The following RYR3 variants were observed in gnomAD, a reference collection of about 807,000 sequenced individuals.
The protein encoded by RYR3 is brain ryanodine receptor-calcium release channel.
A neutral mutation model predicts 584.3 loss-of-function variants in RYR3; 207 were observed. The observed-to-expected ratio is 0.35, with a 90% CI of 0.32 to 0.40. RYR3 has a LOEUF of 0.40. RYR3 is among the 10% of genes least tolerant of loss of function. The probability of loss-of-function intolerance (pLI) is 1.00; values close to 1 mark genes in which losing one functional copy is unlikely to be tolerated. For missense variants in RYR3, 5,616 were observed against 6,089.2 expected (o/e 0.92, Z 2.59); for synonymous variants, 2,416 against 2,248.5 (o/e 1.07, Z -2.11).
intron 20 of RYR3, among the ~76,000 whole-genome samples, chr15:33,624,726 G>A (rs10519847): frequency 0.82 from 124,618 of 152,158 alleles, 51,249 homozygotes; most frequent in Admixed American, 0.85. Flanking sequence ...ACACATTCAC[G>A]TGGTATTACA....
intron 38 of RYR3, among the ~76,000 whole-genome samples, chr15:33,676,866 GAATC>G (rs1051828736): frequency 1.3e-5 from 2 of 152,166 alleles, no homozygotes; most frequent in African/African-American, 4.8e-5. Flanking sequence ...GTGATCTGTT[GAATC>G]AATCATTGTC....
At chr15:33,336,206 C>G (rs1370385598) in intron 1 of RYR3, among the ~76,000 whole-genome samples, 1 of 151,116 alleles carries the variant, frequency 6.6e-6, no homozygotes, top group Non-Finnish European at 1.5e-5. Flanking sequence ...CTGAGGCAGG[C>G]AGATCACTTG....
In RYR3 at chr15:33,781,294, C is replaced by T. The variant is rs150429559; in HGVS notation, c.9268+953C>T. Among the ~76,000 whole-genome samples the T allele has an allele frequency of 2.0e-3, 310 of 152,224 alleles. 7 individuals are homozygous for T. The highest frequency in any genetic ancestry group is 0.014 in the Admixed American group (216 of 15,280). ...TGCGATGATTCCATCTATTCTGAAG[C>T]AAAAATTACCCAACTGTAGGCTAAT... On this transcript the variant is annotated intron_variant, in intron 65 of 103. Transcript: ENST00000634891.
chr15:33,672,828 A>G (rs2063929283), intron 38 of RYR3, among the ~76,000 whole-genome samples: 1 of 152,208 alleles, frequency 6.6e-6, no homozygotes, highest in African/African-American at 2.4e-5. Context: ...TTCCACACAT[A>G]TTCATTTACT....
intron 60 of RYR3, among the ~76,000 whole-genome samples, chr15:33,768,379 A>G (rs2073280801): frequency 6.6e-6 from 1 of 152,194 alleles, no homozygotes. Flanking sequence ...TATACTTTGC[A>G]CTGGGTCACT....
At position 33,499,764 on chromosome 15, in the gene RYR3, G is replaced by A. The variant is rs1040674326; in HGVS notation, c.172-3867G>A. Among the ~76,000 whole-genome samples, 9 of 152,314 alleles carry A rather than the reference G, an allele frequency of 5.9e-5. No homozygotes were observed. The South Asian group carries it at 1.0e-3, about 18-fold the overall frequency. Reference sequence around the variant, plus strand: ...ACCTGCATAATGTCATTCAGCTAGCGAATAGTCGATCAGAGATTTGACTTC... The same window carrying A: ...ACCTGCATAATGTCATTCAGCTAGCAAATAGTCGATCAGAGATTTGACTTC... On this transcript the variant is annotated intron_variant, in intron 2 of 103. Transcript: ENST00000634891.
chr15:33,621,386 A>G (rs1365387419), intron 19 of RYR3, among the ~76,000 whole-genome samples: 6 of 152,204 alleles, frequency 3.9e-5, no homozygotes, highest in East Asian at 1.9e-4. Flanking sequence ...GAAAGATCCA[A>G]TTTTATCCCA....
intron 1 of RYR3, among the ~76,000 whole-genome samples, chr15:33,439,297 A>G (rs930514508): frequency 2.0e-5 from 3 of 152,184 alleles, no homozygotes; most frequent in African/African-American, 7.2e-5. Flanking sequence ...GCACAGTACA[A>G]TGTCGAATAG....
intron 18 of RYR3, 113 bp from the exon 19 acceptor site, chr15:33,613,070 C>A (rs1042303036): frequency 2.6e-5 from 18 of 697,040 alleles, no homozygotes; most frequent in Non-Finnish European, 4.0e-5. Context: ...TACCTCCGGA[C>A]CTCTTGAGTA....
At chr15:33,825,576 A>T in intron 81 of RYR3, 27 bp from the exon 82 acceptor site, 1 of 1,535,752 alleles carries the variant, frequency 6.5e-7, no homozygotes, top group Non-Finnish European at 9.0e-7. Flanking sequence ...GTAGCCCTGA[A>T]CCTTGTTTCT....
chr15:33,443,258 CAA>C (rs5811759), intron 1 of RYR3, among the ~76,000 whole-genome samples: 1,528 of 137,078 alleles, frequency 0.011, 19 homozygotes, highest in African/African-American at 0.036. Flanking sequence ...GACTCCACCT[CAA>C]AAAAAAAAAA....
At chr15:33,600,972 C>T (rs1865497) in intron 16 of RYR3, among the ~76,000 whole-genome samples, 73,132 of 152,024 alleles carry the variant, frequency 0.48, 18,346 homozygotes, top group East Asian at 0.89. Context: ...TTGAAGTCCA[C>T]AGAGGGTCTT....
intron 43 of RYR3, among the ~76,000 whole-genome samples, chr15:33,708,746 C>T (rs921277604): frequency 1.3e-5 from 2 of 152,192 alleles, no homozygotes; most frequent in African/African-American, 4.8e-5. Flanking sequence ...AGGCAAGGTA[C>T]TTCTTTAGAA....
At chr15:33,789,335 T>C (rs1269257849) in intron 67 of RYR3, among the ~76,000 whole-genome samples, 1 of 151,674 alleles carries the variant, frequency 6.6e-6, no homozygotes, top group African/African-American at 2.4e-5. Flanking sequence ...TTGAGCACTG[T>C]AGCAAGAGGT....
At chr15:33,363,242 T>G (rs926944842) in intron 1 of RYR3, among the ~76,000 whole-genome samples, 6 of 152,220 alleles carry the variant, frequency 3.9e-5, no homozygotes, top group African/African-American at 1.4e-4. Context: ...TTAGCTGGTG[T>G]AACCTGTGCT....
intron 45 of RYR3, among the ~76,000 whole-genome samples, chr15:33,725,180 CACACACACACACACACACACACAT>C (rs1313986830): frequency 7.0e-6 from 1 of 143,792 alleles, no homozygotes; most frequent in Non-Finnish European, 1.5e-5. Context: ...CACACACACA[CACACACACACACACACACACACAT>C]ATATACATCC....
intron 1 of RYR3, among the ~76,000 whole-genome samples, chr15:33,403,132 G>A (rs2042793331): frequency 6.6e-6 from 1 of 152,242 alleles, no homozygotes; most frequent in South Asian, 2.1e-4. Flanking sequence ...GAATCTTAAA[G>A]ACTTCGTTTC....
intron 20 of RYR3, among the ~76,000 whole-genome samples, chr15:33,627,516 G>T (rs2061054436): frequency 2.0e-5 from 3 of 152,144 alleles, no homozygotes; most frequent in Admixed American, 1.3e-4. Context: ...TGATGTATAT[G>T]GTGGGGAGTA....
chr15:33,590,092 G>A (rs2059054384), intron 16 of RYR3, among the ~76,000 whole-genome samples: 1 of 152,198 alleles, frequency 6.6e-6, no homozygotes, highest in Non-Finnish European at 1.5e-5. Flanking sequence ...GTGGGCAGGG[G>A]CGGGGGTCAC....
Sources: gnomAD v4.1 joint callset for allele counts (sites outside exome capture counted in the v4.1 genomes callset) on GRCh38, gnomAD v4.1.1 for gene constraint, MANE v1.5 for transcripts, NCBI Gene and HGNC (gene_info 2026-07-23, HGNC 2026-07-21) for gene names.